SIPA1L1: variants seen among roughly 807,000 people sequenced by gnomAD.
The protein encoded by SIPA1L1 is signal induced proliferation associated 1 like 1, also known as signal-induced proliferation-associated 1-like protein 1.
In SIPA1L1, 26 loss-of-function variants were observed where a neutral mutation model predicts 162.7. The observed-to-expected ratio is 0.16, with a 90% confidence interval of 0.12 to 0.22. The LOEUF is 0.22. SIPA1L1 is among the 10% of genes least tolerant of loss of function. SIPA1L1 has a pLI of 1.00. For missense variants in SIPA1L1, 1,874 were observed against 2,241.0 expected (o/e 0.84, Z 3.31); for synonymous variants, 829 against 837.4 (o/e 0.99, Z 0.17).
chr14:71,735,479 C>T (rs1566765954), intron 22 of SIPA1L1, 88 bp downstream of exon 22: 5 of 911,290 alleles, frequency 5.5e-6, no homozygotes, highest in East Asian at 2.4e-5. Context: ...GGAAGCCACA[C>T]GGAGTAGCTG....
chr14:71,391,103 CTTTTT>C (rs36003254), intron 2 of SIPA1L1, among the ~76,000 whole-genome samples: 1 of 108,460 alleles, frequency 9.2e-6, no homozygotes, highest in African/African-American at 3.4e-5. Context: ...TATTCAGTAT[CTTTTT>C]TTTTTTTTTT....
chr14:71,683,304 C>A (rs1368945468), intron 12 of SIPA1L1, among the ~76,000 whole-genome samples: 1 of 152,150 alleles, frequency 6.6e-6, no homozygotes, highest in East Asian at 1.9e-4. Flanking sequence ...AAGTTCTGTA[C>A]ATGTGCTGGT....
Position 71,624,039 on chromosome 14 carries a change from C to G in SIPA1L1, c.1630-9C>G. Reference sequence around the variant, plus strand: ...AGAAGCCTCACCACAGCACCTGTCTCTCTTGCAGCTCATGACACTGAGAGG... The same window carrying G: ...AGAAGCCTCACCACAGCACCTGTCTGTCTTGCAGCTCATGACACTGAGAGG... On this transcript the variant is annotated splice_polypyrimidine_tract_variant and intron_variant, in intron 6 of 23. Transcript: ENST00000381232. The G allele has an allele frequency of 1.3e-6, 2 of 1,589,596 alleles. No individual in the cohort carries two copies. Among genetic ancestry groups the G allele is most frequent in the Non-Finnish European group, 1.7e-6 (2 of 1,166,584 alleles).
At chr14:71,655,541 T>C (rs1483287992) in intron 8 of SIPA1L1, among the ~76,000 whole-genome samples, 1 of 152,228 alleles carries the variant, frequency 6.6e-6, no homozygotes, top group Non-Finnish European at 1.5e-5. Context: ...TTGAGAAATC[T>C]CCATACTGTT....
intron 12 of SIPA1L1, 137 bp from the exon 13 acceptor site, chr14:71,685,225 C>T: frequency 2.1e-6 from 2 of 938,002 alleles, no homozygotes; most frequent in South Asian, 1.6e-5. Flanking sequence ...GTACTAGGGC[C>T]CAAAGATTGA....
At chr14:71,657,383 G>A (rs2043157762) in intron 8 of SIPA1L1, among the ~76,000 whole-genome samples, 1 of 151,760 alleles carries the variant, frequency 6.6e-6, no homozygotes, top group South Asian at 2.1e-4. Flanking sequence ...TTGATAGAGG[G>A]TTGAGTTTAC....
intron 2 of SIPA1L1, among the ~76,000 whole-genome samples, chr14:71,509,260 ATTAAG>A (rs745767386): frequency 1.3e-5 from 2 of 152,050 alleles, no homozygotes; most frequent in Admixed American, 6.6e-5. Flanking sequence ...TTATTTTCTT[ATTAAG>A]TTGAGATAGG....
intron 5 of SIPA1L1, among the ~76,000 whole-genome samples, chr14:71,609,247 G>A (rs920245596): frequency 2.6e-5 from 4 of 151,906 alleles, no homozygotes; most frequent in Middle Eastern, 3.4e-3. Flanking sequence ...TGAAGCCTAC[G>A]AACTCTCCTT....
chr14:71,628,299 A>C (rs533480456), intron 7 of SIPA1L1, among the ~76,000 whole-genome samples: 1 of 152,240 alleles, frequency 6.6e-6, no homozygotes, highest in Non-Finnish European at 1.5e-5. Flanking sequence ...TGCAAGGGGA[A>C]TGAAAGATGA....
chr14:71,391,769 G>A (rs567813816), intron 2 of SIPA1L1, among the ~76,000 whole-genome samples: 1 of 152,298 alleles, frequency 6.6e-6, no homozygotes, highest in South Asian at 2.1e-4. Context: ...AAGGAGAGAG[G>A]GAGACAGTTT....
At chr14:71,494,075 C>T (rs981284716) in intron 2 of SIPA1L1, among the ~76,000 whole-genome samples, 3 of 152,150 alleles carry the variant, frequency 2.0e-5, no homozygotes, top group Non-Finnish European at 4.4e-5. Flanking sequence ...CAGTTTTACA[C>T]CTTCTTGTCC....
chr14:71,369,835 C>A (rs1172607434), intron 2 of SIPA1L1, among the ~76,000 whole-genome samples: 1 of 149,788 alleles, frequency 6.7e-6, no homozygotes, highest in Admixed American at 6.8e-5. Flanking sequence ...TTTTTTATTT[C>A]ATTGAGCAGT....
chr14:71,671,750 C>A, intron 11 of SIPA1L1, 58 bp downstream of exon 11: 1 of 1,300,850 alleles, frequency 7.7e-7, no homozygotes, highest in Non-Finnish European at 1.1e-6. Flanking sequence ...GTTTTCAATA[C>A]AGACTAGAGC....
At chr14:71,371,945 T>G (rs2038930635) in intron 2 of SIPA1L1, among the ~76,000 whole-genome samples, 1 of 152,194 alleles carries the variant, frequency 6.6e-6, no homozygotes, top group Non-Finnish European at 1.5e-5. Context: ...TAACCCTTAC[T>G]TGATCTCCTT....
At chr14:71,723,169 C>T (rs1423919742) in intron 17 of SIPA1L1, among the ~76,000 whole-genome samples, 1 of 152,236 alleles carries the variant, frequency 6.6e-6, no homozygotes, top group Non-Finnish European at 1.5e-5. Context: ...CACTGTGCCC[C>T]TTGGCCTTGG....
intron 2 of SIPA1L1, among the ~76,000 whole-genome samples, chr14:71,388,522 A>G (rs1462307562): frequency 6.6e-6 from 1 of 152,202 alleles, no homozygotes; most frequent in Non-Finnish European, 1.5e-5. Context: ...AACGTAATTG[A>G]AGCTTACCCT....
chr14:71,336,344 C>G (rs1363712037), intron 2 of SIPA1L1, among the ~76,000 whole-genome samples: 3 of 152,056 alleles, frequency 2.0e-5, no homozygotes, highest in Non-Finnish European at 2.9e-5. Context: ...TTGCAGTCAC[C>G]CCCCATTTCT....
intron 2 of SIPA1L1, among the ~76,000 whole-genome samples, chr14:71,488,821 A>G (rs1028669598): frequency 1.3e-5 from 2 of 152,212 alleles, no homozygotes; most frequent in Non-Finnish European, 1.5e-5. Flanking sequence ...TCTGCACGCC[A>G]CTGAAAATAT....
chr14:71,482,326 G>A (rs2048413649), intron 2 of SIPA1L1, among the ~76,000 whole-genome samples: 1 of 152,284 alleles, frequency 6.6e-6, no homozygotes, highest in South Asian at 2.1e-4. Context: ...GAGGGGATTG[G>A]GAAGACCAAA....
Sources: allele counts gnomAD v4.1 joint callset (sites outside exome capture counted in the v4.1 genomes callset), GRCh38; gene constraint gnomAD v4.1.1; transcripts MANE v1.5; gene names NCBI Gene and HGNC (gene_info 2026-07-23, HGNC 2026-07-21).